Variants in SPAG16 observed in about 807,000 individuals in gnomAD.
SPAG16 encodes sperm-associated antigen 16 protein.
In SPAG16, 86 loss-of-function variants were observed where a neutral mutation model predicts 80.4. The observed-to-expected ratio is 1.07, with a 90% CI of 0.90 to 1.28. The LOEUF is 1.28. Among genes scored for constraint, SPAG16 ranks in the 50% most tolerant of loss-of-function variants. The pLI is 0.00. For missense variants in SPAG16, 870 were observed against 765.3 expected (o/e 1.14, Z -1.61); for synonymous variants, 294 against 265.9 (o/e 1.11, Z -1.03).
In SPAG16 at chr2:214,172,072, C is replaced by T. The variant is rs551193604; in HGVS notation, c.1720+22806C>T. The stretch of plus-strand genomic sequence containing the variant: ...GTTACACATTAGATCTCTGATTTAT[C>T]CTGCATACTTTGTTTTTTTTTTAAA... On this transcript the variant is annotated intron_variant, in intron 15 of 15. Coordinates refer to ENST00000331683, the MANE Select transcript of SPAG16 (RefSeq NM_024532.5). Among the ~76,000 whole-genome samples the T allele has an allele frequency of 1.8e-4, 27 of 151,478 alleles. 1 individual carries two copies. Among genetic ancestry groups the T allele is most frequent in the South Asian group, 2.1e-4 (1 of 4,810 alleles).
At chr2:214,210,077 G>C (rs1438832832) in intron 15 of SPAG16, among the ~76,000 whole-genome samples, 1 of 151,974 alleles carries the variant, frequency 6.6e-6, no homozygotes, top group Non-Finnish European at 1.5e-5. Flanking sequence ...TGATCAACTT[G>C]AGTCAGCTGT....
chr2:214,062,667 C>CT (rs36069141), intron 13 of SPAG16, among the ~76,000 whole-genome samples: 37,474 of 122,732 alleles, frequency 0.31, 6,346 homozygotes, highest in Admixed American at 0.34. Flanking sequence ...ATAGCCTCCT[C>CT]TTTTTTTTTT....
intron 15 of SPAG16, among the ~76,000 whole-genome samples, chr2:214,365,914 C>G (rs1228346328): frequency 6.6e-6 from 1 of 151,316 alleles, no homozygotes; most frequent in African/African-American, 2.4e-5. Context: ...AAAAGGAATT[C>G]TATAAATGCA....
Position 213,850,514 on chromosome 2 carries a change from A to C in SPAG16, c.1071-11971A>C, listed in dbSNP as rs902872829. 3.9e-5 allele frequency among the ~76,000 whole-genome samples: 6 copies of C among 152,180 alleles called. No homozygotes were observed. In the East Asian group the frequency reaches 1.2e-3, roughly 29 times the overall value. On this transcript the variant is annotated intron_variant, in intron 10 of 15. Transcript: ENST00000331683. ...ATAAACTGGAAGGGGAAACACAGAG[A>C]GGCCTGATGGTTCAGATTCTTCTGG...
intron 10 of SPAG16, among the ~76,000 whole-genome samples, chr2:213,634,340 T>C (rs1002903343): frequency 4.6e-5 from 7 of 152,174 alleles, no homozygotes; most frequent in Non-Finnish European, 1.5e-5. Flanking sequence ...TTTTTAACTT[T>C]TTATTGTTTC....
At chr2:214,224,436 T>G (rs537095366) in intron 15 of SPAG16, among the ~76,000 whole-genome samples, 2 of 152,298 alleles carry the variant, frequency 1.3e-5, no homozygotes, top group Admixed American at 1.3e-4. Context: ...TATGTGCAAA[T>G]ACTATAATTT....
Position 213,762,057 on chromosome 2 carries a change from G to A in SPAG16, c.1071-100428G>A, listed in dbSNP as rs141310984. On this transcript the variant is annotated intron_variant, in intron 10 of 15. Coordinates refer to ENST00000331683, the MANE Select transcript of SPAG16 (RefSeq NM_024532.5). ...AAGGGTGACTCAACATAGCAAAGTC[G>A]ATCAATGAAATACACCACATTAAGA... Among the ~76,000 whole-genome samples the A allele has an allele frequency of 1.1e-3, 173 of 152,166 alleles. 1 individual carries two copies. The East Asian group carries it at 0.015, about 13-fold the overall frequency.
chr2:214,243,504 A>T (rs1342733090), intron 15 of SPAG16, among the ~76,000 whole-genome samples: 3 of 152,080 alleles, frequency 2.0e-5, no homozygotes, highest in African/African-American at 7.2e-5. Context: ...ATTGATGAGT[A>T]TAGTATGAAT....
intron 5 of SPAG16, among the ~76,000 whole-genome samples, chr2:213,338,148 T>C (rs190558192): frequency 5.3e-5 from 8 of 152,292 alleles, no homozygotes; most frequent in Admixed American, 2.6e-4. Flanking sequence ...ATAAAATCTT[T>C]TTCAGACAAG....
At chr2:213,410,756 C>T (rs1458321632) in intron 9 of SPAG16, among the ~76,000 whole-genome samples, 1 of 152,182 alleles carries the variant, frequency 6.6e-6, no homozygotes, top group African/African-American at 2.4e-5. Context: ...AAGCCAGAGG[C>T]CCAGATTGTC....
intron 12 of SPAG16, among the ~76,000 whole-genome samples, chr2:213,937,023 A>G (rs1256355305): frequency 2.0e-5 from 3 of 152,194 alleles, no homozygotes; most frequent in Non-Finnish European, 4.4e-5. Flanking sequence ...AATGATATAT[A>G]CTATTATTTT....
intron 9 of SPAG16, among the ~76,000 whole-genome samples, chr2:213,479,369 T>G (rs1283608006): frequency 6.6e-6 from 1 of 152,142 alleles, no homozygotes; most frequent in African/African-American, 2.4e-5. Flanking sequence ...ATTTTTAATC[T>G]AACATTTTAT....
chr2:213,423,297 A>G (rs902357210), intron 9 of SPAG16, among the ~76,000 whole-genome samples: 1 of 152,212 alleles, frequency 6.6e-6, no homozygotes, highest in Non-Finnish European at 1.5e-5. Flanking sequence ...CTAGACTGAA[A>G]CTTGCTTCAC....
At chr2:213,897,115 G>A (rs1366430090) in intron 11 of SPAG16, among the ~76,000 whole-genome samples, 3 of 152,006 alleles carry the variant, frequency 2.0e-5, no homozygotes, top group Admixed American at 6.6e-5. Context: ...TTAGGTGATG[G>A]ATATCCTAAG....
intron 15 of SPAG16, among the ~76,000 whole-genome samples, chr2:214,338,195 A>G (rs1053782200): frequency 1.3e-5 from 2 of 152,214 alleles, no homozygotes; most frequent in African/African-American, 4.8e-5. Flanking sequence ...AATTGATAGT[A>G]TATCTATTTC....
intron 15 of SPAG16, among the ~76,000 whole-genome samples, chr2:214,380,793 C>CTGTT (rs1452147978): frequency 2.0e-5 from 3 of 152,240 alleles, no homozygotes; most frequent in Non-Finnish European, 2.9e-5. Context: ...ATGGACACCA[C>CTGTT]TGTTTGCATC....
At chr2:214,373,458 G>C (rs553269011) in intron 15 of SPAG16, among the ~76,000 whole-genome samples, 1 of 152,042 alleles carries the variant, frequency 6.6e-6, no homozygotes, top group African/African-American at 2.4e-5. Context: ...TTGTGTGTGG[G>C]ATCAAAGGTA....
At chr2:213,702,761 T>C (rs901210465) in intron 10 of SPAG16, among the ~76,000 whole-genome samples, 3 of 152,134 alleles carry the variant, frequency 2.0e-5, no homozygotes, top group African/African-American at 7.2e-5. Context: ...CAAAATGTAT[T>C]TTATTTTGAC....
At position 213,918,484 on chromosome 2, in the gene SPAG16, C is replaced by T. The variant is rs150751462; in HGVS notation, c.1215-11476C>T. ...TCTTGAATTATAGCTCCCATAATTT[C>T]CATGTGTTGTGGGAGGGACCTGGTG... On this transcript the variant is annotated intron_variant, in intron 11 of 15. Transcript: ENST00000331683. Among the ~76,000 whole-genome samples, 810 of 152,148 alleles carry T rather than the reference C, an allele frequency of 5.3e-3. 13 individuals carry two copies. Among genetic ancestry groups the T allele is most frequent in the East Asian group, 0.042 (216 of 5,182 alleles).
Sources: allele counts gnomAD v4.1 joint callset (sites outside exome capture counted in the v4.1 genomes callset), GRCh38; gene constraint gnomAD v4.1.1; transcripts MANE v1.5; gene names NCBI Gene and HGNC (gene_info 2026-07-23, HGNC 2026-07-21).